NCOA6: variants seen among roughly 807,000 people sequenced by gnomAD.
The protein encoded by NCOA6 is NRC RAP250.
A neutral mutation model predicts 171.4 loss-of-function variants in NCOA6; 49 were observed. That is an observed-to-expected ratio of 0.29 (90% CI 0.23 to 0.36). The LOEUF (loss-of-function observed/expected upper bound fraction) is 0.36, where lower values mean the gene tolerates loss of function less well. Ranked by LOEUF, NCOA6 falls within the 10% of genes least tolerant of loss-of-function variation. NCOA6 has a pLI of 1.00. For missense variants in NCOA6, 2,248 were observed against 2,554.5 expected (o/e 0.88, Z 2.59); for synonymous variants, 910 against 927.5 (o/e 0.98, Z 0.34).
At chr20:34,796,995 A>T (rs1049380253) in intron 1 of NCOA6, among the ~76,000 whole-genome samples, 1 of 152,336 alleles carries the variant, frequency 6.6e-6, no homozygotes, top group East Asian at 1.9e-4. Flanking sequence ...TTAAACGCTT[A>T]GTATCAATAT....
chr20:34,776,175 T>C lies in NCOA6; in HGVS notation c.391+118A>G, dbSNP rs115814899. 2.0e-3 allele frequency: 2,678 copies of C among 1,312,616 alleles called. 41 individuals carry two copies. In the African/African-American group the frequency reaches 0.033, roughly 16 times the overall value. The allele number at this position is 1,312,616 out of a possible 1,614,324, so 81.3% of individuals were successfully genotyped here. A position where few individuals can be genotyped will look rare whatever the true frequency, so the allele number is the denominator to read the frequency against. The stretch of plus-strand genomic sequence containing the variant: ...CAAAGCAAAGTACAAGTTACATGAG[T>C]TGCTTGGCATTCTGAAACACAAGAG... On this transcript the variant is annotated intron_variant, in intron 4 of 14. Coordinates refer to ENST00000359003, the MANE Select transcript of NCOA6 (RefSeq NM_014071.5).
chr20:34,746,330 C>T (rs2076301374), intron 10 of NCOA6, among the ~76,000 whole-genome samples: 1 of 150,796 alleles, frequency 6.6e-6, no homozygotes, highest in African/African-American at 2.4e-5. Context: ...ACTTCGACTT[C>T]CTGGGCTCAG....
At chr20:34,789,508 C>G (rs2077797495) in intron 2 of NCOA6, among the ~76,000 whole-genome samples, 1 of 152,188 alleles carries the variant, frequency 6.6e-6, no homozygotes, top group South Asian at 2.1e-4. Context: ...TGTGCTGGTT[C>G]ACACCTGTAA....
At chr20:34,791,779 C>A (rs532490576) in intron 2 of NCOA6, among the ~76,000 whole-genome samples, 1 of 152,154 alleles carries the variant, frequency 6.6e-6, no homozygotes, top group South Asian at 2.1e-4. Flanking sequence ...ATACCCAAAC[C>A]CCTGTCATAA....
chr20:34,773,917 C>T (rs552844752), intron 4 of NCOA6, among the ~76,000 whole-genome samples: 63 of 152,280 alleles, frequency 4.1e-4, no homozygotes, highest in African/African-American at 1.4e-3. Flanking sequence ...TTCCCAGGAG[C>T]ATGGGAACAG....
chr20:34,760,548 T>C (rs6060033), intron 5 of NCOA6, among the ~76,000 whole-genome samples: 236 of 152,336 alleles, frequency 1.5e-3, no homozygotes, highest in African/African-American at 4.0e-3. Flanking sequence ...TTCTATGCTC[T>C]GGAAGAATGT....
intron 11 of NCOA6, 104 bp from the exon 12 acceptor site, chr20:34,736,862 C>T: frequency 1.0e-6 from 1 of 962,620 alleles, no homozygotes. Context: ...ACAATGTACT[C>T]TTAGAGGGCA....
At chr20:34,791,293 A>T (rs1453823938) in intron 2 of NCOA6, among the ~76,000 whole-genome samples, 1 of 152,214 alleles carries the variant, frequency 6.6e-6, no homozygotes, top group Non-Finnish European at 1.5e-5. Context: ...TATTTTCCCT[A>T]GGTAATTTTT....
At chr20:34,769,539 T>C (rs1328251474) in intron 4 of NCOA6, among the ~76,000 whole-genome samples, 1 of 152,064 alleles carries the variant, frequency 6.6e-6, no homozygotes, top group Non-Finnish European at 1.5e-5. Flanking sequence ...AATTTTTGCA[T>C]TTTTAGTAGA....
intron 12 of NCOA6, 114 bp from the exon 13 acceptor site, chr20:34,732,709 C>T: frequency 1.2e-6 from 1 of 819,266 alleles, no homozygotes; most frequent in Non-Finnish European, 2.0e-6. Flanking sequence ...CTGTGCCCAG[C>T]AGGATTCTCA....
intron 3 of NCOA6, among the ~76,000 whole-genome samples, chr20:34,778,193 C>T (rs1030054386): frequency 1.3e-5 from 2 of 152,204 alleles, no homozygotes; most frequent in South Asian, 2.1e-4. Context: ...TGAGCCACTG[C>T]GCCCAGCCAC....
At position 34,736,745 on chromosome 20, in the gene NCOA6, A is replaced by G. The variant is rs758114653; in HGVS notation, c.5907T>C (p.Asn1969=). The G allele has an allele frequency of 6.2e-7, 1 of 1,611,320 alleles. No homozygotes were observed. The highest frequency in any genetic ancestry group is 1.1e-5 in the South Asian group (1 of 90,566). ...TGGTTGAAGTTTCCTTTGAGACTAA[A>G]TTCTGCGACGGGGCTAAGGCAAGGA... ...ELLPSIAPSQ[N]LVSKETSTTA... is the part of the protein sequence containing the mutation. The change falls in exon 12 of 15, where the codon AAT becomes AAC. Residue 1969 remains asparagine (N), a synonymous_variant. Transcript: ENST00000359003.
intron 1 of NCOA6, among the ~76,000 whole-genome samples, chr20:34,801,751 T>A (rs560981746): frequency 1.3e-5 from 2 of 151,944 alleles, no homozygotes; most frequent in African/African-American, 4.8e-5. Context: ...TACAGTCCTA[T>A]CTACTCGGGA....
intron 3 of NCOA6, among the ~76,000 whole-genome samples, chr20:34,779,615 A>G (rs1349172683): frequency 6.6e-6 from 1 of 152,242 alleles, no homozygotes; most frequent in Non-Finnish European, 1.5e-5. Flanking sequence ...TGTATCCTTC[A>G]TTCAGTTATA....
chr20:34,771,119 A>C (rs2077136602), intron 4 of NCOA6, among the ~76,000 whole-genome samples: 2 of 152,078 alleles, frequency 1.3e-5, no homozygotes, highest in South Asian at 2.1e-4. Context: ...TTAATGTAAA[A>C]ATTATTATTA....
intron 8 of NCOA6, among the ~76,000 whole-genome samples, chr20:34,752,843 G>A (rs2076529444): frequency 6.6e-6 from 1 of 150,758 alleles, no homozygotes; most frequent in Admixed American, 6.6e-5. Flanking sequence ...GAACCTGGGA[G>A]GCAGAGGCCG....
intron 1 of NCOA6, among the ~76,000 whole-genome samples, chr20:34,814,870 G>A (rs1156871617): frequency 6.6e-6 from 1 of 152,204 alleles, no homozygotes; most frequent in Non-Finnish European, 1.5e-5. Context: ...GGAATTACAG[G>A]TGTGAGCCAC....
At chr20:34,718,640 G>A (rs773182838) in intron 14 of NCOA6, among the ~76,000 whole-genome samples, 11 of 151,964 alleles carry the variant, frequency 7.2e-5, no homozygotes, top group Non-Finnish European at 1.5e-4. Flanking sequence ...CTAGTAGCTG[G>A]GATTACAGGC....
chr20:34,807,018 T>A (rs2078473749), intron 1 of NCOA6, among the ~76,000 whole-genome samples: 1 of 152,200 alleles, frequency 6.6e-6, no homozygotes, highest in African/African-American at 2.4e-5. Flanking sequence ...CTCTTCCTCC[T>A]GAGTATGGAC....
Sources: gnomAD v4.1 joint callset for allele counts (sites outside exome capture counted in the v4.1 genomes callset) on GRCh38, gnomAD v4.1.1 for gene constraint, MANE v1.5 for transcripts, NCBI Gene and HGNC (gene_info 2026-07-23, HGNC 2026-07-21) for gene names.